The following CRIM1 variants were observed in gnomAD, a reference collection of about 807,000 sequenced individuals.
The protein encoded by CRIM1 is cysteine rich transmembrane BMP regulator 1.
CRIM1 carries 32 observed loss-of-function variants against 116.4 expected under a neutral mutation model. The observed-to-expected ratio is 0.27, with a 90% CI of 0.21 to 0.37. CRIM1 has a LOEUF of 0.37. CRIM1 is among the 10% of genes least tolerant of loss of function. The pLI is 1.00. For missense variants in CRIM1, 1,331 were observed against 1,354.8 expected (o/e 0.98, Z 0.28); for synonymous variants, 590 against 509.2 (o/e 1.16, Z -2.13).
chr2:36,390,873 G>A (rs530043081), intron 1 of CRIM1, among the ~76,000 whole-genome samples: 2 of 151,930 alleles, frequency 1.3e-5, no homozygotes, highest in South Asian at 2.1e-4. Flanking sequence ...GCAGTGGTGC[G>A]ATTTTGGCTC....
intron 2 of CRIM1, among the ~76,000 whole-genome samples, chr2:36,438,977 G>T (rs1000601791): frequency 1.3e-5 from 2 of 152,220 alleles, no homozygotes; most frequent in Non-Finnish European, 2.9e-5. Context: ...TGGCATGTGT[G>T]TTAATGAAGT....
Position 36,361,871 on chromosome 2 carries a change from T to C in CRIM1, c.331+5248T>C, listed in dbSNP as rs539219277. ...CACCCCAGTAAAGCTCATTTAATTA[T>C]TTGAGGGAGAAACAGTAGACTAGCC... is the stretch of plus-strand genomic sequence containing the variant. On this transcript the variant is annotated intron_variant, in intron 1 of 16. Transcript: ENST00000280527. 2.0e-5 allele frequency among the ~76,000 whole-genome samples: 3 copies of C among 152,262 alleles called. No individual in the cohort carries two copies. The South Asian group carries it at 6.2e-4, about 32-fold the overall frequency.
At chr2:36,418,373 G>T (rs1044847491) in intron 2 of CRIM1, among the ~76,000 whole-genome samples, 6 of 152,088 alleles carry the variant, frequency 3.9e-5, no homozygotes, top group African/African-American at 1.4e-4. Flanking sequence ...GTGCAATTAT[G>T]GTTCACTGCA....
chr2:36,409,411 G>C (rs1673050168), intron 2 of CRIM1, among the ~76,000 whole-genome samples: 1 of 152,128 alleles, frequency 6.6e-6, no homozygotes, highest in South Asian at 2.1e-4. Flanking sequence ...AATTCATATT[G>C]AATTCAATCC....
chr2:36,457,770 C>A lies in CRIM1; in HGVS notation c.870-6764C>A, dbSNP rs544594224. Among the ~76,000 whole-genome samples the A allele has an allele frequency of 5.3e-5, 8 of 151,558 alleles. No individual in the cohort carries two copies. In the South Asian group the frequency reaches 1.7e-3, roughly 32 times the overall value. On this transcript the variant is annotated intron_variant, in intron 4 of 16. Transcript: ENST00000280527. ...TTTGCAGCCTTTAAAAAAAAAAAAA[C>A]TTACACATTCCTGGAAAGAGTAAGA... is the stretch of plus-strand genomic sequence containing the variant.
At chr2:36,365,992 C>T (rs1359118480) in intron 1 of CRIM1, among the ~76,000 whole-genome samples, 1 of 152,200 alleles carries the variant, frequency 6.6e-6, no homozygotes, top group East Asian at 1.9e-4. Context: ...TCCCAAAGTG[C>T]TGGGATTACA....
chr2:36,464,680 A>G, intron 5 of CRIM1, 25 bp downstream of exon 5: 1 of 1,612,832 alleles, frequency 6.2e-7, no homozygotes, highest in Non-Finnish European at 8.5e-7. Flanking sequence ...TCTTGTTCTC[A>G]GAGAGTGTAC....
intron 8 of CRIM1, among the ~76,000 whole-genome samples, chr2:36,506,218 C>G (rs1209584098): frequency 7.1e-6 from 1 of 141,522 alleles, no homozygotes; most frequent in Non-Finnish European, 1.5e-5. Flanking sequence ...CACACACACT[C>G]AGATTAGGAC....
At position 36,479,713 on chromosome 2, in the gene CRIM1, A is replaced by T; in HGVS notation, c.1372+19A>T. The T allele has an allele frequency of 1.9e-6, 3 of 1,609,436 alleles. No individual in the cohort carries two copies. The highest frequency in any genetic ancestry group is 2.6e-6 in the Non-Finnish European group (3 of 1,175,700). The stretch of plus-strand genomic sequence containing the variant: ...TGCGAAGGTAAATCTTGCAGATGCT[A>T]ATGAGTCCCTGGTGAATGTCTTCTG... On this transcript the variant is annotated intron_variant, in intron 7 of 16. Coordinates refer to ENST00000280527, the MANE Select transcript of CRIM1 (RefSeq NM_016441.3).
intron 2 of CRIM1, among the ~76,000 whole-genome samples, chr2:36,408,701 G>C (rs1409561696): frequency 2.0e-5 from 3 of 152,058 alleles, no homozygotes; most frequent in Non-Finnish European, 4.4e-5. Flanking sequence ...TTAAAACCTC[G>C]TTAGTTAGTG....
intron 9 of CRIM1, among the ~76,000 whole-genome samples, chr2:36,510,738 A>T (rs1442762293): frequency 6.6e-6 from 1 of 151,992 alleles, no homozygotes; most frequent in Non-Finnish European, 1.5e-5. Flanking sequence ...AGATTATTCC[A>T]GGGGGGGAAA....
intron 7 of CRIM1, among the ~76,000 whole-genome samples, chr2:36,491,228 C>T (rs60511239): frequency 2.0e-3 from 297 of 152,236 alleles, no homozygotes; most frequent in Middle Eastern, 6.8e-3. Flanking sequence ...TACTTTTCTG[C>T]CTTCTTAAGC....
intron 1 of CRIM1, among the ~76,000 whole-genome samples, chr2:36,385,417 A>G (rs1284808174): frequency 2.6e-5 from 4 of 152,204 alleles, no homozygotes; most frequent in Non-Finnish European, 5.9e-5. Flanking sequence ...GCTTTTCAGG[A>G]GTATTGCTGT....
intron 8 of CRIM1, among the ~76,000 whole-genome samples, chr2:36,508,784 A>T (rs181250384): frequency 2.6e-5 from 4 of 152,314 alleles, no homozygotes; most frequent in Admixed American, 1.3e-4. Context: ...TCATTTTAGA[A>T]GACTTCTATT....
At chr2:36,512,567 G>A (rs947511171) in intron 10 of CRIM1, among the ~76,000 whole-genome samples, 173 bp downstream of exon 10, 32 of 152,298 alleles carry the variant, frequency 2.1e-4, no homozygotes, top group African/African-American at 7.2e-4. Context: ...TTTTTATGAA[G>A]TAAAAGCTCA....
rs188807665 is a variant in CRIM1, at chr2:36,474,165, G to C, written c.992-2724G>C. Among the ~76,000 whole-genome samples, 45 of 152,030 alleles carry C rather than the reference G, an allele frequency of 3.0e-4. 1 individual carries two copies. The highest frequency in any genetic ancestry group is 7.9e-4 in the Admixed American group (12 of 15,280). On this transcript the variant is annotated intron_variant, in intron 5 of 16. Transcript: ENST00000280527. The stretch of plus-strand genomic sequence containing the variant: ...TATTTGAAGAAGTGTCTGTTCAAAG[G>C]TTTGCCCGTTTTGATTAGATTATTT...
chr2:36,407,233 A>C (rs1409295103), intron 2 of CRIM1, among the ~76,000 whole-genome samples: 1 of 152,240 alleles, frequency 6.6e-6, no homozygotes, highest in Non-Finnish European at 1.5e-5. Flanking sequence ...ACAGAAGCAC[A>C]CACACATATA....
At chr2:36,487,208 T>G (rs2125061985) in intron 7 of CRIM1, among the ~76,000 whole-genome samples, 1 of 152,292 alleles carries the variant, frequency 6.6e-6, no homozygotes, top group East Asian at 1.9e-4. Context: ...TCCAAGGAAT[T>G]CATTGGACTC....
intron 2 of CRIM1, among the ~76,000 whole-genome samples, chr2:36,398,138 A>C (rs946476540): frequency 3.3e-5 from 5 of 152,230 alleles, no homozygotes; most frequent in African/African-American, 1.2e-4. Flanking sequence ...CATAGTTAAT[A>C]ATTTACGCAT....
Sources: allele counts gnomAD v4.1 joint callset (sites outside exome capture counted in the v4.1 genomes callset), GRCh38; gene constraint gnomAD v4.1.1; transcripts MANE v1.5; gene names NCBI Gene and HGNC (gene_info 2026-07-23, HGNC 2026-07-21).